IMMP2L: variants seen among roughly 807,000 people sequenced by gnomAD.
The protein encoded by IMMP2L is mitochondrial inner membrane protease subunit 2.
IMMP2L carries 18 observed loss-of-function variants against 19.3 expected under a neutral mutation model. The observed-to-expected ratio is 0.93, with a 90% CI of 0.64 to 1.38. IMMP2L has a LOEUF of 1.38. Ranked by LOEUF, IMMP2L falls within the 40% of genes most tolerant of loss-of-function variation. IMMP2L has a pLI of 0.00. For synonymous variants in IMMP2L, 76 were observed against 73.0 expected (o/e 1.04, Z -0.21); for missense variants, 233 against 218.2 (o/e 1.07, Z -0.43).
At chr7:111,191,084 A>G (rs1808814328) in intron 3 of IMMP2L, among the ~76,000 whole-genome samples, 2 of 152,132 alleles carry the variant, frequency 1.3e-5, no homozygotes, top group African/African-American at 2.4e-5. Flanking sequence ...AAGCAACAAA[A>G]GCATACTGCC....
intron 4 of IMMP2L, among the ~76,000 whole-genome samples, chr7:110,941,681 T>C (rs1292356641): frequency 2.0e-5 from 3 of 152,210 alleles, no homozygotes; most frequent in Admixed American, 6.6e-5. Context: ...AATACCTTTA[T>C]GCTTTTCAAG....
At chr7:110,752,041 A>C (rs892600570) in intron 5 of IMMP2L, among the ~76,000 whole-genome samples, 1 of 152,010 alleles carries the variant, frequency 6.6e-6, no homozygotes, top group Non-Finnish European at 1.5e-5. Flanking sequence ...CATAAATGGC[A>C]CTTTTAGGAA....
intron 5 of IMMP2L, among the ~76,000 whole-genome samples, chr7:110,674,290 G>T (rs939767519): frequency 2.0e-5 from 3 of 152,164 alleles, no homozygotes; most frequent in African/African-American, 7.2e-5. Context: ...CTGCCTCCAT[G>T]ATTCAAATAC....
chr7:111,439,329 A>G (rs952023558), intron 3 of IMMP2L, among the ~76,000 whole-genome samples: 9 of 151,748 alleles, frequency 5.9e-5, no homozygotes, highest in Non-Finnish European at 4.4e-5. Flanking sequence ...TCAAAGCTGC[A>G]ATTCTAGTCC....
intron 4 of IMMP2L, among the ~76,000 whole-genome samples, chr7:110,923,710 A>T (rs978978551): frequency 6.6e-6 from 1 of 152,012 alleles, no homozygotes; most frequent in African/African-American, 2.4e-5. Flanking sequence ...TTACTTAATT[A>T]AAATAAATTG....
chr7:111,327,212 T>G (rs1825411466), intron 3 of IMMP2L, among the ~76,000 whole-genome samples: 1 of 151,672 alleles, frequency 6.6e-6, no homozygotes, highest in Admixed American at 6.6e-5. Flanking sequence ...AAAAAGGGAA[T>G]GGTGGTGGTC....
chr7:111,401,302 C>T (rs1027944532), intron 3 of IMMP2L, among the ~76,000 whole-genome samples: 3 of 152,124 alleles, frequency 2.0e-5, no homozygotes, highest in Non-Finnish European at 4.4e-5. Context: ...CCAACCTATT[C>T]TAAGTGTTAT....
At chr7:110,971,697 C>T (rs1820158894) in intron 3 of IMMP2L, among the ~76,000 whole-genome samples, 1 of 152,134 alleles carries the variant, frequency 6.6e-6, no homozygotes, top group South Asian at 2.1e-4. Flanking sequence ...CAATAGGACA[C>T]TTAAAATCAG....
chr7:111,431,385 T>G (rs899825747), intron 3 of IMMP2L, among the ~76,000 whole-genome samples: 4 of 151,854 alleles, frequency 2.6e-5, no homozygotes, highest in African/African-American at 9.7e-5. Flanking sequence ...TTGGTCTCAG[T>G]TTTCTCATAC....
chr7:111,257,041 C>T (rs1430061870), intron 3 of IMMP2L, among the ~76,000 whole-genome samples: 1 of 151,934 alleles, frequency 6.6e-6, no homozygotes, highest in Non-Finnish European at 1.5e-5. Flanking sequence ...TGCCACAGCC[C>T]AAGTTTTTCT....
chr7:110,880,079 C>T (rs1254013802), intron 5 of IMMP2L, among the ~76,000 whole-genome samples: 8 of 152,074 alleles, frequency 5.3e-5, no homozygotes, highest in African/African-American at 1.9e-4. Flanking sequence ...ATAGAATACA[C>T]ATTATGGCTC....
chr7:110,666,370 G>A (rs1046208238), intron 5 of IMMP2L, among the ~76,000 whole-genome samples: 2 of 152,050 alleles, frequency 1.3e-5, no homozygotes, highest in African/African-American at 2.4e-5. Flanking sequence ...CACCTCCTGG[G>A]GTCACGCCAT....
intron 3 of IMMP2L, among the ~76,000 whole-genome samples, chr7:111,477,282 A>G (rs1841802629): frequency 6.6e-6 from 1 of 152,168 alleles, no homozygotes; most frequent in African/African-American, 2.4e-5. Flanking sequence ...GCAGTCACAC[A>G]TAATCCTGGG....
intron 5 of IMMP2L, among the ~76,000 whole-genome samples, chr7:110,811,644 T>C (rs1433000347): frequency 6.6e-6 from 1 of 152,084 alleles, no homozygotes; most frequent in Non-Finnish European, 1.5e-5. Flanking sequence ...TTTTAAGCTA[T>C]GGTAATTTAG....
chr7:111,051,291 T>C (rs1056869112), intron 3 of IMMP2L, among the ~76,000 whole-genome samples: 3 of 152,228 alleles, frequency 2.0e-5, no homozygotes, highest in Non-Finnish European at 4.4e-5. Flanking sequence ...TTTTCTCTTA[T>C]GTCACTGAGT....
At chr7:110,987,111 C>T (rs1308227953) in intron 3 of IMMP2L, among the ~76,000 whole-genome samples, 3 of 152,088 alleles carry the variant, frequency 2.0e-5, no homozygotes, top group African/African-American at 4.8e-5. Context: ...GAATTCATCA[C>T]TTTTCTATTT....
chr7:111,438,750 T>C lies in IMMP2L; in HGVS notation c.239+48488A>G, dbSNP rs1023803774. On this transcript the variant is annotated intron_variant, in intron 3 of 5. Coordinates refer to ENST00000405709, the MANE Select transcript of IMMP2L (RefSeq NM_032549.4). ...GTCACGCTTCTTCCCAGAAGATAGA[T>C]GTTGACCAGTAAGACTATCAGTTAC... Among the ~76,000 whole-genome samples the C allele has an allele frequency of 2.0e-5, 3 of 151,876 alleles. No individual in the cohort carries two copies. The East Asian group carries it at 5.8e-4, about 29-fold the overall frequency.
chr7:111,364,434 G>A (rs1472553524), intron 3 of IMMP2L, among the ~76,000 whole-genome samples: 1 of 151,872 alleles, frequency 6.6e-6, no homozygotes, highest in African/African-American at 2.4e-5. Context: ...TACATAATGT[G>A]TCTTAGTCAC....
intron 3 of IMMP2L, among the ~76,000 whole-genome samples, chr7:111,362,562 T>A (rs1316037837): frequency 6.6e-6 from 1 of 152,142 alleles, no homozygotes; most frequent in Non-Finnish European, 1.5e-5. Context: ...ATGGCAATGT[T>A]ACTAAATCCT....
Sources: allele counts gnomAD v4.1 joint callset (sites outside exome capture counted in the v4.1 genomes callset), GRCh38; gene constraint gnomAD v4.1.1; transcripts MANE v1.5; gene names NCBI Gene and HGNC (gene_info 2026-07-23, HGNC 2026-07-21).